The following AFDN variants were observed in gnomAD, a reference collection of about 807,000 sequenced individuals.
AFDN encodes afadin, adherens junction formation factor.
A neutral mutation model predicts 216.6 loss-of-function variants in AFDN; 68 were observed. The ratio of observed to expected loss-of-function variants is 0.31; its 90% CI spans 0.26 to 0.38. The LOEUF is 0.38. Among genes scored for constraint, AFDN ranks in the 10% least tolerant of loss-of-function variants. The pLI is 1.00. For missense variants in AFDN, 2,136 were observed against 2,342.0 expected (o/e 0.91, Z 1.82); for synonymous variants, 868 against 853.7 (o/e 1.02, Z -0.29).
At chr6:167,909,243 ACT>A (rs1192696687) in intron 13 of AFDN, among the ~76,000 whole-genome samples, 1 of 151,966 alleles carries the variant, frequency 6.6e-6, no homozygotes, top group African/African-American at 2.4e-5. Flanking sequence ...TAAATAATCA[ACT>A]CTGAAACATA....
rs1797180971 is a variant in AFDN, at chr6:167,962,908, A to G, written c.4968+341A>G. 2 of 1,156,804 alleles carry G rather than the reference A, an allele frequency of 1.7e-6. No individual in the cohort carries two copies. The highest frequency in any genetic ancestry group is 3.7e-4 in the Middle Eastern group (1 of 2,734). The allele number at this position is 1,156,804 out of a possible 1,614,324, so 71.7% of individuals were successfully genotyped here. A position where few individuals can be genotyped will look rare whatever the true frequency, so the allele number is the denominator to read the frequency against. On this transcript the variant is annotated intron_variant, in intron 31 of 33. Coordinates refer to ENST00000683244, the MANE Select transcript of AFDN (RefSeq NM_001386888.1). This position sits in a 1 kb window ranked among gnomAD's most constrained non-coding sequence, Gnocchi z 5.2. ...CCCAGCTTGTCATTGTGAAGGTGAC[A>G]TTGGTTCAGTGATTGCTTAAATGGC...
intron 30 of AFDN, among the ~76,000 whole-genome samples, chr6:167,954,097 T>G (rs1796271737): frequency 6.6e-6 from 1 of 152,240 alleles, no homozygotes; most frequent in Non-Finnish European, 1.5e-5. Context: ...AGCCTTTTAG[T>G]ATGAATTGCG....
intron 12 of AFDN, among the ~76,000 whole-genome samples, chr6:167,906,308 A>G (rs1000073971): frequency 1.3e-5 from 2 of 152,226 alleles, no homozygotes; most frequent in Non-Finnish European, 2.9e-5. Context: ...TGATATTGTA[A>G]GATGTTTGTA....
chr6:167,849,917 C>A (rs960155646), intron 1 of AFDN, among the ~76,000 whole-genome samples: 1 of 152,192 alleles, frequency 6.6e-6, no homozygotes, highest in Admixed American at 6.5e-5. Flanking sequence ...AAGAATCCTC[C>A]TAAACAGCTT....
At chr6:167,860,995 G>A (rs1035088478) in intron 1 of AFDN, among the ~76,000 whole-genome samples, 1 of 152,188 alleles carries the variant, frequency 6.6e-6, no homozygotes, top group African/African-American at 2.4e-5. Flanking sequence ...CAGGTCTGGG[G>A]CCAGTTAATG....
rs768367429 is a variant in AFDN at position 167,951,317 on chromosome 6, C to G, written c.3963C>G (p.Ser1321=). 1.9e-6 allele frequency: 3 copies of G among 1,614,176 alleles called. No individual in the cohort carries two copies. The highest frequency in any genetic ancestry group is 2.5e-6 in the Non-Finnish European group (3 of 1,180,020). Residue 1321 remains serine, a synonymous_variant, in exon 30 of 34, where the codon TCC becomes TCG. Coordinates refer to ENST00000683244, the MANE Select transcript of AFDN (RefSeq NM_001386888.1). The surrounding 1 kb of genome is among the most constrained non-coding windows in gnomAD (Gnocchi z 7.1). ...MWINQSSSLD[S]STSSQEHLNH... The stretch of plus-strand genomic sequence containing the variant: ...TAAATCAGAGCTCCTCACTGGACTC[C>G]AGTACCTCTAGCCAGGAGCATCTGA...
chr6:167,927,133 A>G lies in AFDN; in HGVS notation c.3099+2042A>G, dbSNP rs146772333. Among the ~76,000 whole-genome samples the G allele has an allele frequency of 1.2e-3, 176 of 152,330 alleles. 2 individuals carry two copies. Among genetic ancestry groups the G allele is most frequent in the African/African-American group, 4.2e-3 (175 of 41,578 alleles). ...CAATATGTGATTAAGATCTAGTACA[A>G]GTACCATAAAACTTTACCTTTGTGT... On this transcript the variant is annotated intron_variant, in intron 23 of 33. Transcript: ENST00000683244.
intron 30 of AFDN, among the ~76,000 whole-genome samples, chr6:167,955,216 AATATCAGACG>A (rs1455191050): frequency 6.6e-6 from 1 of 152,202 alleles, no homozygotes; most frequent in Non-Finnish European, 1.5e-5. Flanking sequence ...GACAAAAGCC[AATATCAGACG>A]GTACATTTAA....
At chr6:167,931,124 G>T (rs1347480227) in intron 23 of AFDN, among the ~76,000 whole-genome samples, 1 of 152,182 alleles carries the variant, frequency 6.6e-6, no homozygotes, top group Non-Finnish European at 1.5e-5. Context: ...GACAGTTTCT[G>T]GTTATGGTAG....
chr6:167,828,117 C>T (rs1484996731), intron 1 of AFDN, among the ~76,000 whole-genome samples: 1 of 152,194 alleles, frequency 6.6e-6, no homozygotes, highest in African/African-American at 2.4e-5. Flanking sequence ...TCGGTGGCTG[C>T]ACAGACTTTA....
intron 26 of AFDN, among the ~76,000 whole-genome samples, chr6:167,945,468 T>A (rs527468608): frequency 1.3e-5 from 2 of 152,326 alleles, no homozygotes; most frequent in East Asian, 3.9e-4. Context: ...TAGTAAAATA[T>A]ATAAACAAGC....
At chr6:167,886,007 A>G (rs1443456390) in intron 6 of AFDN, among the ~76,000 whole-genome samples, 1 of 152,186 alleles carries the variant, frequency 6.6e-6, no homozygotes, top group African/African-American at 2.4e-5. Context: ...CATGTGTTAT[A>G]TGATTAAGAT....
chr6:167,911,252 CTTTTTTCT>C, intron 14 of AFDN, 24 bp from the exon 15 acceptor site: 1 of 1,604,912 alleles, frequency 6.2e-7, no homozygotes, highest in Non-Finnish European at 8.5e-7. Context: ...TTCTTTTTTC[CTTTTTTCT>C]TTGTTTTTGA....
chr6:167,900,792 A>G (rs1027754250), intron 11 of AFDN, among the ~76,000 whole-genome samples: 5 of 152,216 alleles, frequency 3.3e-5, no homozygotes, highest in African/African-American at 7.2e-5. Flanking sequence ...TCCTGTTGTC[A>G]GAGCCGATAG....
intron 1 of AFDN, chr6:167,863,734 A>C (rs771880214): frequency 3.9e-6 from 2 of 515,374 alleles, no homozygotes; most frequent in Non-Finnish European, 7.7e-6. Flanking sequence ...GTCAGCCCAC[A>C]TTGCAGTAGA....
intron 2 of AFDN, among the ~76,000 whole-genome samples, chr6:167,866,472 G>GTT (rs1784203586): frequency 1.3e-5 from 2 of 152,162 alleles, no homozygotes; most frequent in African/African-American, 2.4e-5. Flanking sequence ...CTAATAGTCC[G>GTT]TTTCATTAAG....
At position 167,839,707 on chromosome 6, in the gene AFDN, A is replaced by G. The variant is rs1275681766; in HGVS notation, c.105+12470A>G. Among the ~76,000 whole-genome samples, 4 of 152,118 alleles carry G rather than the reference A, an allele frequency of 2.6e-5. No individual in the cohort carries two copies. In the East Asian group the frequency reaches 7.7e-4, roughly 29 times the overall value. ...CACTCATTGAGTGGTCATCCACTATATGTAAGTTTTGCTGAGCATGTGACA... is the reference window on the plus strand; with the variant it reads ...CACTCATTGAGTGGTCATCCACTATGTGTAAGTTTTGCTGAGCATGTGACA... On this transcript the variant is annotated intron_variant, in intron 1 of 33. Transcript: ENST00000683244.
intron 29 of AFDN, among the ~76,000 whole-genome samples, chr6:167,949,767 C>T (rs1795746443): frequency 6.6e-6 from 1 of 152,190 alleles, no homozygotes; most frequent in South Asian, 2.1e-4. Flanking sequence ...CATTGAATCC[C>T]ATTTTTATGC....
chr6:167,915,770 C>T (rs1790980473), intron 19 of AFDN, among the ~76,000 whole-genome samples: 2 of 152,162 alleles, frequency 1.3e-5, no homozygotes, highest in Admixed American at 6.5e-5. Flanking sequence ...GGTTTGTTTT[C>T]TGATAATTTA....
Sources: allele counts gnomAD v4.1 joint callset (sites outside exome capture counted in the v4.1 genomes callset), GRCh38; gene constraint gnomAD v4.1.1; non-coding constraint Gnocchi (gnomAD v3.1); transcripts MANE v1.5; gene names NCBI Gene and HGNC (gene_info 2026-07-23, HGNC 2026-07-21).